DNAAF9: variants seen among roughly 807,000 people sequenced by gnomAD.
DNAAF9 encodes the protein shulin.
DNAAF9 carries 90 observed loss-of-function variants against 167.0 expected under a neutral mutation model. The observed-to-expected ratio is 0.54, with a 90% CI of 0.45 to 0.64. The LOEUF is 0.64. DNAAF9 is among the 30% of genes least tolerant of loss of function. The pLI is 0.00. For missense variants in DNAAF9, 1,315 were observed against 1,442.2 expected (o/e 0.91, Z 1.43); for synonymous variants, 491 against 508.8 (o/e 0.96, Z 0.47).
intron 29 of DNAAF9, among the ~76,000 whole-genome samples, chr20:3,274,202 G>C (rs1193721563): frequency 1.3e-5 from 2 of 152,134 alleles, no homozygotes; most frequent in Non-Finnish European, 2.9e-5. Flanking sequence ...CAGTGTAGTG[G>C]TGTGATCTCG....
intron 29 of DNAAF9, among the ~76,000 whole-genome samples, chr20:3,275,349 A>G (rs1046072230): frequency 6.6e-6 from 1 of 152,210 alleles, no homozygotes; most frequent in Non-Finnish European, 1.5e-5. Flanking sequence ...GGCAAAAGAA[A>G]CCAAAGTGTC....
At chr20:3,404,602 T>C (rs1450527133) in intron 1 of DNAAF9, among the ~76,000 whole-genome samples, 2 of 152,242 alleles carry the variant, frequency 1.3e-5, no homozygotes, top group African/African-American at 2.4e-5. Flanking sequence ...CTCACTATTC[T>C]ATATTATGAT....
chr20:3,364,483 A>G (rs151024108), intron 6 of DNAAF9, among the ~76,000 whole-genome samples: 3 of 152,288 alleles, frequency 2.0e-5, no homozygotes, highest in East Asian at 3.9e-4. Flanking sequence ...TTTCCCTGCT[A>G]CTGAGACAAA....
At chr20:3,332,081 T>A (rs2069839945) in intron 11 of DNAAF9, among the ~76,000 whole-genome samples, 199 bp downstream of exon 11, 1 of 152,242 alleles carries the variant, frequency 6.6e-6, no homozygotes, top group Admixed American at 6.5e-5. Flanking sequence ...GCACCAATCA[T>A]CTTCCTCTTG....
chr20:3,330,893 G>A (rs1303550471), intron 11 of DNAAF9, among the ~76,000 whole-genome samples: 1 of 151,612 alleles, frequency 6.6e-6, no homozygotes, highest in Admixed American at 6.6e-5. Context: ...CCAGGTTCAG[G>A]CGATTCTCCT....
chr20:3,257,977 C>T (rs139125322), intron 33 of DNAAF9, among the ~76,000 whole-genome samples: 425 of 92,952 alleles, frequency 4.6e-3, no homozygotes, highest in South Asian at 6.4e-3. Context: ...GATCTGCCTG[C>T]CTTGGCCTCC....
chr20:3,407,435 C>A, intron 1 of DNAAF9, 40 bp downstream of exon 1: 1 of 1,276,786 alleles, frequency 7.8e-7, no homozygotes, highest in Non-Finnish European at 9.9e-7. Flanking sequence ...AGCCCGCATC[C>A]CCCGCCCGGC....
intron 31 of DNAAF9, among the ~76,000 whole-genome samples, chr20:3,260,848 T>A (rs1266369631): frequency 6.6e-6 from 1 of 152,194 alleles, no homozygotes; most frequent in Admixed American, 6.6e-5. Flanking sequence ...GCCAGGCTGG[T>A]CTCAAACTCC....
intron 6 of DNAAF9, 140 bp from the exon 7 acceptor site, chr20:3,359,733 A>T: frequency 1.6e-6 from 1 of 616,272 alleles, no homozygotes; most frequent in South Asian, 2.3e-5. Context: ...TATCAATTAT[A>T]TTTGCCCTAT....
In DNAAF9 at chr20:3,336,252, G is replaced by GTTTTTTTTTTTTTTTTTT. The variant is rs1178750984; in HGVS notation, c.982-3892_982-3891insAAAAAAAAAAAAAAAAAA. ...TGATTTTGCAGATTCACAGTTTTGC[G>GTTTTTTTTTTTTTTTTTT]TTTTTGTTTTTTTTTTTTTTTTTGC... On this transcript the variant is annotated intron_variant, in intron 10 of 36. Transcript: ENST00000252032. Among the ~76,000 whole-genome samples, 48 of 81,394 alleles carry GTTTTTTTTTTTTTTTTTT rather than the reference G, an allele frequency of 5.9e-4. 4 individuals carry two copies. The highest frequency in any genetic ancestry group is 1.3e-3 in the East Asian group (4 of 2,988). 53.4% of individuals were successfully genotyped at this position (81,394 alleles called of 152,430 possible).
chr20:3,353,478 A>C (rs2070365806), intron 7 of DNAAF9, among the ~76,000 whole-genome samples: 1 of 152,066 alleles, frequency 6.6e-6, no homozygotes, highest in South Asian at 2.1e-4. Flanking sequence ...AAACACAAAA[A>C]TTAGCCAGGT....
At chr20:3,370,960 G>A (rs1279156637) in intron 6 of DNAAF9, among the ~76,000 whole-genome samples, 1 of 152,144 alleles carries the variant, frequency 6.6e-6, no homozygotes. Context: ...GTAGAGGGAG[G>A]TACAGACTAT....
At chr20:3,354,434 G>C (rs1366552822) in intron 7 of DNAAF9, among the ~76,000 whole-genome samples, 3 of 152,222 alleles carry the variant, frequency 2.0e-5, no homozygotes, top group Non-Finnish European at 2.9e-5. Flanking sequence ...ACTTCAAACA[G>C]AACTCCTGGC....
intron 13 of DNAAF9, among the ~76,000 whole-genome samples, chr20:3,325,469 A>G (rs2069694180): frequency 6.6e-6 from 1 of 152,244 alleles, no homozygotes; most frequent in Non-Finnish European, 1.5e-5. Context: ...TGTAGTGGCT[A>G]AAGGGCTGAG....
intron 21 of DNAAF9, among the ~76,000 whole-genome samples, chr20:3,298,984 C>T (rs1243211257): frequency 2.0e-5 from 3 of 149,242 alleles, no homozygotes; most frequent in Non-Finnish European, 3.0e-5. Context: ...TCTCCGCTCG[C>T]TGCAACCCCC....
chr20:3,270,134 TGC>T (rs2068567162), intron 30 of DNAAF9, among the ~76,000 whole-genome samples: 1 of 109,000 alleles, frequency 9.2e-6, no homozygotes. Context: ...GTGCCCAGCC[TGC>T]TTTTTTTTTT....
chr20:3,275,934 C>CT (rs1314389623), intron 29 of DNAAF9, among the ~76,000 whole-genome samples: 1 of 152,202 alleles, frequency 6.6e-6, no homozygotes, highest in Non-Finnish European at 1.5e-5. Context: ...TCTACAGATG[C>CT]TTTTAAAAGC....
chr20:3,332,437 G>A (rs970806786), intron 10 of DNAAF9, 76 bp from the exon 11 acceptor site: 8 of 730,076 alleles, frequency 1.1e-5, no homozygotes, highest in Non-Finnish European at 1.9e-5. Flanking sequence ...AAAAAGTATA[G>A]AGTCAATGGA....
intron 21 of DNAAF9, 136 bp from the exon 22 acceptor site, chr20:3,298,311 G>A (rs779716221): frequency 2.7e-6 from 2 of 734,964 alleles, no homozygotes; most frequent in Non-Finnish European, 4.5e-6. Flanking sequence ...GTTCAGTATA[G>A]ATGTGCTTTA....
Sources: allele counts gnomAD v4.1 joint callset (sites outside exome capture counted in the v4.1 genomes callset), GRCh38; gene constraint gnomAD v4.1.1; transcripts MANE v1.5; gene names NCBI Gene and HGNC (gene_info 2026-07-23, HGNC 2026-07-21).